The following GPHN variants were observed in gnomAD, a reference collection of about 807,000 sequenced individuals.
The protein encoded by GPHN is gephyrin.
A neutral mutation model predicts 95.5 loss-of-function variants in GPHN; 17 were observed. That is an observed-to-expected ratio of 0.18 (90% CI 0.12 to 0.27). GPHN has a LOEUF of 0.27. GPHN is among the 10% of genes least tolerant of loss of function. The pLI, the probability that GPHN is intolerant of heterozygous loss-of-function variation, is 1.00. For missense variants in GPHN, 660 were observed against 978.1 expected (o/e 0.67, Z 4.34); for synonymous variants, 320 against 322.5 (o/e 0.99, Z 0.08).
In GPHN at chr14:66,965,274, T is replaced by A; in HGVS notation, c.912T>A (p.Pro304=). The A allele has an allele frequency of 6.2e-7, 1 of 1,613,598 alleles. No individual in the cohort carries two copies. Residue 304 remains proline (P), a synonymous_variant, in exon 9 of 23, where the codon CCT becomes CCA. Coordinates refer to ENST00000478722, the MANE Select transcript of GPHN (RefSeq NM_020806.5). ...TCAGCACTACTCCTTCAGAATCGCC[T>A]CGTGCTCAGGCTACATCTCGCCTCT... The part of the protein sequence containing the change: ...ASLSTTPSES[P]RAQATSRLST...
chr14:67,193,657 A>G, the GPHN span, among the ~76,000 whole-genome samples: 2 of 148,298 alleles, frequency 1.3e-5, no homozygotes, highest in Admixed American at 1.3e-4. Flanking sequence ...ATAGAAATTA[A>G]GTAGGCCAAG....
chr14:67,318,745 TAC>T, the GPHN span, among the ~76,000 whole-genome samples: 1 of 152,162 alleles, frequency 6.6e-6, no homozygotes, highest in African/African-American at 2.4e-5. Flanking sequence ...TCCTTGAGGT[TAC>T]AGAGTAATAG....
chr14:66,824,190 A>G (rs888540915), intron 3 of GPHN, among the ~76,000 whole-genome samples: 2 of 152,226 alleles, frequency 1.3e-5, no homozygotes, highest in Non-Finnish European at 2.9e-5. Context: ...CAGATAAGCC[A>G]TTAATTATAA....
At chr14:67,654,769 C>T in the GPHN span, among the ~76,000 whole-genome samples, 17 of 152,190 alleles carry the variant, frequency 1.1e-4, no homozygotes, top group East Asian at 3.3e-3. Context: ...GTGGCTCACG[C>T]TTATAATTCT....
the GPHN span, chr14:67,392,380 C>T: frequency 3.1e-6 from 5 of 1,614,034 alleles, no homozygotes; most frequent in South Asian, 3.3e-5. Context: ...CCACAGTGCT[C>T]AGGCTAATTT....
chr14:67,211,047 G>T, the GPHN span, among the ~76,000 whole-genome samples: 1 of 152,068 alleles, frequency 6.6e-6, no homozygotes. Flanking sequence ...AGATCTCTGG[G>T]TTCAAATCCT....
At chr14:67,543,549 A>G in the GPHN span, among the ~76,000 whole-genome samples, 3 of 152,244 alleles carry the variant, frequency 2.0e-5, no homozygotes, top group African/African-American at 7.2e-5. Flanking sequence ...GTTCTACCCC[A>G]GTCCTCTCAA....
At chr14:67,497,265 C>T in the GPHN span, among the ~76,000 whole-genome samples, 1 of 152,086 alleles carries the variant, frequency 6.6e-6, no homozygotes, top group African/African-American at 2.4e-5. Flanking sequence ...GAGGTTAGGC[C>T]AGATGCATGT....
the GPHN span, among the ~76,000 whole-genome samples, chr14:67,267,409 C>T: frequency 1.3e-5 from 2 of 152,020 alleles, no homozygotes; most frequent in African/African-American, 4.8e-5. Context: ...CAGGCATGCA[C>T]CACCACACCT....
intron 9 of GPHN, among the ~76,000 whole-genome samples, chr14:66,995,020 G>T (rs146539734): frequency 6.6e-6 from 1 of 151,682 alleles, no homozygotes; most frequent in Non-Finnish European, 1.5e-5. Flanking sequence ...ACAAATCTTA[G>T]ATAATAAGTG....
At chr14:67,176,270 A>T (rs900645206) in intron 21 of GPHN, among the ~76,000 whole-genome samples, 8 of 152,134 alleles carry the variant, frequency 5.3e-5, no homozygotes, top group Non-Finnish European at 1.2e-4. Flanking sequence ...TAGTTTATTG[A>T]GAGTTTTTAG....
At chr14:67,431,598 G>A in the GPHN span, among the ~76,000 whole-genome samples, 1 of 151,344 alleles carries the variant, frequency 6.6e-6, no homozygotes, top group Non-Finnish European at 1.5e-5. Context: ...AGGCTGAGGT[G>A]GGAGGATCGC....
At chr14:67,025,598 A>G (rs2073883876) in intron 10 of GPHN, among the ~76,000 whole-genome samples, 2 of 152,192 alleles carry the variant, frequency 1.3e-5, no homozygotes, top group Admixed American at 1.3e-4. Context: ...CTAGTTTTTT[A>G]TTGGTTTGAG....
the GPHN span, among the ~76,000 whole-genome samples, chr14:67,316,025 A>G: frequency 6.6e-6 from 1 of 152,260 alleles, no homozygotes; most frequent in Non-Finnish European, 1.5e-5. Context: ...TCTACAGATT[A>G]TCCCCACCTA....
chr14:67,107,779 A>G (rs1370067546), intron 13 of GPHN, among the ~76,000 whole-genome samples: 2 of 151,984 alleles, frequency 1.3e-5, no homozygotes, highest in Non-Finnish European at 2.9e-5. Flanking sequence ...CACAGAAATG[A>G]CTCAACTCCC....
the GPHN span, chr14:67,200,447 A>C: frequency 2.3e-6 from 1 of 435,372 alleles, no homozygotes; most frequent in Non-Finnish European, 4.1e-6. Flanking sequence ...CCCCCACCCC[A>C]TTCCCCTTTT....
the GPHN span, among the ~76,000 whole-genome samples, chr14:67,493,246 A>G: frequency 0.028 from 4,223 of 152,232 alleles, 194 homozygotes; most frequent in African/African-American, 0.096. Flanking sequence ...TTACCCATCC[A>G]TCTATCAGCC....
chr14:67,111,962 T>C (rs779379199), intron 15 of GPHN, 43 bp downstream of exon 15: 3 of 1,391,652 alleles, frequency 2.2e-6, no homozygotes, highest in Non-Finnish European at 3.1e-6. Context: ...CTTTTGTTTC[T>C]ACATGATCAT....
chr14:67,389,844 C>T, the GPHN span, among the ~76,000 whole-genome samples: 1 of 151,340 alleles, frequency 6.6e-6, no homozygotes, highest in Non-Finnish European at 1.5e-5. Context: ...TTTGAGGTAG[C>T]CAGAAAGGAA....
Sources: allele counts gnomAD v4.1 joint callset (sites outside exome capture counted in the v4.1 genomes callset), GRCh38; gene constraint gnomAD v4.1.1; transcripts MANE v1.5; gene names NCBI Gene and HGNC (gene_info 2026-07-23, HGNC 2026-07-21).